The following PAPPA2 variants were observed in gnomAD, a reference collection of about 807,000 sequenced individuals.
PAPPA2 encodes pappalysin-2.
A neutral mutation model predicts 176.4 loss-of-function variants in PAPPA2; 86 were observed. The observed-to-expected ratio is 0.49, with a 90% CI of 0.41 to 0.58. PAPPA2 has a LOEUF of 0.58. Among genes scored for constraint, PAPPA2 ranks in the 20% least tolerant of loss-of-function variants. PAPPA2 has a pLI of 0.00. For synonymous variants in PAPPA2, 809 were observed against 852.2 expected (o/e 0.95, Z 0.88); for missense variants, 2,073 against 2,256.9 (o/e 0.92, Z 1.65).
chr1:176,585,463 G>T (rs1288500944), intron 2 of PAPPA2, among the ~76,000 whole-genome samples: 1 of 152,064 alleles, frequency 6.6e-6, no homozygotes, highest in Non-Finnish European at 1.5e-5. Flanking sequence ...CCTTGGAGAG[G>T]ACTTGTTTGG....
chr1:176,573,010 T>C (rs1652441287), intron 2 of PAPPA2, among the ~76,000 whole-genome samples: 1 of 152,148 alleles, frequency 6.6e-6, no homozygotes, highest in South Asian at 2.1e-4. Flanking sequence ...AAGAGAAACA[T>C]CCGGGAAATT....
chr1:176,601,043 C>T (rs1489222230), intron 3 of PAPPA2, among the ~76,000 whole-genome samples: 3 of 152,168 alleles, frequency 2.0e-5, no homozygotes, highest in Admixed American at 2.0e-4. Context: ...GAAATTTAAT[C>T]CCTGAAGCAA....
chr1:176,693,882 A>G (rs1660235408), intron 6 of PAPPA2, among the ~76,000 whole-genome samples: 1 of 152,216 alleles, frequency 6.6e-6, no homozygotes, highest in South Asian at 2.1e-4. Flanking sequence ...CCAGAGTTTT[A>G]CATCCGTTTA....
chr1:176,675,710 A>G (rs549769202), intron 4 of PAPPA2, among the ~76,000 whole-genome samples: 4 of 152,276 alleles, frequency 2.6e-5, no homozygotes, highest in African/African-American at 9.6e-5. Flanking sequence ...TGGCAGAAAC[A>G]ATATTCAAAG....
intron 4 of PAPPA2, among the ~76,000 whole-genome samples, chr1:176,677,969 C>T (rs1229573175): frequency 6.6e-6 from 1 of 152,124 alleles, no homozygotes; most frequent in Non-Finnish European, 1.5e-5. Context: ...TGAAGTTAGG[C>T]AGTAACATGG....
intron 1 of PAPPA2, among the ~76,000 whole-genome samples, chr1:176,476,258 C>T (rs183766910): frequency 6.6e-6 from 1 of 152,270 alleles, no homozygotes; most frequent in Admixed American, 6.5e-5. Flanking sequence ...TATCAGCAAG[C>T]GTCTGGGTTT....
rs140575724 is a variant in PAPPA2, at chr1:176,828,500, TATTA to T, written c.5203-11668_5203-11665del. ...CAGATCTATAATATAGATTATATAT[TATTA>T]ATTATTATACACATAGTATAATACA... On this transcript the variant is annotated intron_variant, in intron 21 of 22. Transcript: ENST00000367662. Among the ~76,000 whole-genome samples, 622 of 151,116 alleles carry T rather than the reference TATTA, an allele frequency of 4.1e-3. 10 individuals carry two copies. Among genetic ancestry groups the T allele is most frequent in the African/African-American group, 0.014 (588 of 41,334 alleles).
intron 1 of PAPPA2, among the ~76,000 whole-genome samples, chr1:176,515,962 A>C (rs1648886186): frequency 1.3e-5 from 2 of 152,188 alleles, no homozygotes; most frequent in South Asian, 4.1e-4. Context: ...AGGAGGTATT[A>C]CTAGCCCATT....
At chr1:176,500,655 T>C (rs1436877720) in intron 1 of PAPPA2, among the ~76,000 whole-genome samples, 2 of 152,000 alleles carry the variant, frequency 1.3e-5, no homozygotes, top group East Asian at 3.8e-4. Context: ...AACAGTAACA[T>C]GAATTCAGAA....
At chr1:176,761,757 C>T (rs1032016833) in intron 14 of PAPPA2, among the ~76,000 whole-genome samples, 1 of 152,182 alleles carries the variant, frequency 6.6e-6, no homozygotes, top group African/African-American at 2.4e-5. Context: ...CTCTGACTTG[C>T]TGTGTGGCCT....
In PAPPA2 at chr1:176,690,555, G is replaced by A. The variant is rs1660071368; in HGVS notation, c.2431+125G>A. ...TGGTCATTTGTGTCGGAGAGTTGAA[G>A]TGTATTTATTATAAGGTATTATTAT... is the stretch of plus-strand genomic sequence containing the variant. On this transcript the variant is annotated intron_variant, in intron 5 of 22. Coordinates refer to ENST00000367662, the MANE Select transcript of PAPPA2 (RefSeq NM_020318.3). 18 of 1,480,122 alleles carry A rather than the reference G, an allele frequency of 1.2e-5. No homozygotes were observed. The South Asian group carries it at 2.3e-4, about 19-fold the overall frequency. The allele number at this position is 1,480,122 out of a possible 1,614,324, so 91.7% of individuals were successfully genotyped here.
intron 2 of PAPPA2, among the ~76,000 whole-genome samples, chr1:176,569,890 A>C (rs1652216815): frequency 1.3e-5 from 2 of 152,212 alleles, no homozygotes; most frequent in South Asian, 4.1e-4. Context: ...AGTAGTATCT[A>C]GAAGGAGGAG....
chr1:176,813,210 A>G (rs1410781654), intron 21 of PAPPA2, among the ~76,000 whole-genome samples: 2 of 152,014 alleles, frequency 1.3e-5, no homozygotes, highest in Non-Finnish European at 1.5e-5. Context: ...ATTTTGGTTT[A>G]TTCCATGTGT....
chr1:176,729,764 C>G (rs549469442), intron 12 of PAPPA2, among the ~76,000 whole-genome samples: 1 of 152,128 alleles, frequency 6.6e-6, no homozygotes, highest in East Asian at 1.9e-4. Context: ...TACCTATACT[C>G]CTTGTTGAGA....
At chr1:176,744,817 T>G (rs1432494359) in intron 14 of PAPPA2, among the ~76,000 whole-genome samples, 1 of 152,242 alleles carries the variant, frequency 6.6e-6, no homozygotes, top group Non-Finnish European at 1.5e-5. Flanking sequence ...AATATTTTTT[T>G]CAATCAAGAG....
chr1:176,733,485 C>T (rs1313649281), intron 12 of PAPPA2, among the ~76,000 whole-genome samples: 1 of 152,112 alleles, frequency 6.6e-6, no homozygotes, highest in Non-Finnish European at 1.5e-5. Flanking sequence ...ACTCATTTCC[C>T]TCTTTCCTGT....
intron 14 of PAPPA2, among the ~76,000 whole-genome samples, chr1:176,740,715 G>T (rs1488851228): frequency 6.6e-6 from 1 of 152,140 alleles, no homozygotes; most frequent in Non-Finnish European, 1.5e-5. Context: ...GACAGATGTG[G>T]CTATGAGGTT....
chr1:176,522,612 C>T (rs2102539870), intron 1 of PAPPA2, among the ~76,000 whole-genome samples: 1 of 152,332 alleles, frequency 6.6e-6, no homozygotes, highest in South Asian at 2.1e-4. Flanking sequence ...CAGTTTCCTG[C>T]AAGGGTGCCC....
At chr1:176,640,112 AATTT>A (rs1187390773) in intron 3 of PAPPA2, among the ~76,000 whole-genome samples, 3 of 151,280 alleles carry the variant, frequency 2.0e-5, no homozygotes, top group African/African-American at 4.8e-5. Flanking sequence ...ATCCCCCAGG[AATTT>A]ATTTATCTAT....
Sources: gnomAD v4.1 joint callset for allele counts (sites outside exome capture counted in the v4.1 genomes callset) on GRCh38, gnomAD v4.1.1 for gene constraint, MANE v1.5 for transcripts, NCBI Gene and HGNC (gene_info 2026-07-23, HGNC 2026-07-21) for gene names.